Variants in AKAP1 observed in about 807,000 individuals in gnomAD.
The protein encoded by AKAP1 is A-kinase anchoring protein 1.
A neutral mutation model predicts 79.8 loss-of-function variants in AKAP1; 32 were observed. That is an observed-to-expected ratio of 0.40 (90% CI 0.30 to 0.54). The LOEUF (loss-of-function observed/expected upper bound fraction) is 0.54, where lower values mean the gene tolerates loss of function less well. Among genes scored for constraint, AKAP1 ranks in the 20% least tolerant of loss-of-function variants. AKAP1 has a pLI of 0.47. For missense variants in AKAP1, 961 were observed against 1,138.9 expected (o/e 0.84, Z 2.25); for synonymous variants, 416 against 466.7 (o/e 0.89, Z 1.40).
intron 1 of AKAP1, chr17:57,093,826 T>C (rs1913927579): frequency 6.6e-6 from 1 of 150,772 alleles, no homozygotes; most frequent in South Asian, 2.1e-4. Context: ...GTAGTATTAT[T>C]TTCTTTCTTT....
In AKAP1 at chr17:57,105,504, C is replaced by A; in HGVS notation, c.40C>A (p.Pro14Thr). 1 of 1,614,152 alleles carries A rather than the reference C, an allele frequency of 6.2e-7. No individual in the cohort carries two copies. The highest frequency in any genetic ancestry group is 8.5e-7 in the Non-Finnish European group (1 of 1,180,028). ...CCGTTCGCTCTTCCCCTTGGCATTG[C>A]CTGGGATGCTGGCGCTCCTCGGCTG... Reference protein sequence around the residue: ...QFRSLFPLALPGMLALLGWWW... With the variant: ...QFRSLFPLALTGMLALLGWWW... Residue 14 changes from proline to threonine, a missense_variant, in exon 2 of 11, where the codon CCT becomes ACT. This residue lies in a region of AKAP1 where 108 missense variants were observed against 147.6 expected (regional missense o/e 0.73). Transcript: ENST00000337714.
intron 4 of AKAP1, 134 bp downstream of exon 4, chr17:57,112,058 A>C: frequency 2.5e-6 from 3 of 1,191,902 alleles, no homozygotes; most frequent in Non-Finnish European, 3.5e-6. Context: ...AGCATTAGGT[A>C]TCTTCCCTGC....
intron 5 of AKAP1, 121 bp downstream of exon 5, chr17:57,112,739 C>T: frequency 7.4e-7 from 1 of 1,357,520 alleles, no homozygotes; most frequent in South Asian, 1.5e-5. Flanking sequence ...TGCGCCCTCT[C>T]TTCTCTGGCC....
At chr17:57,116,355 A>G in intron 7 of AKAP1, 94 bp downstream of exon 7, 1 of 1,511,674 alleles carries the variant, frequency 6.6e-7, no homozygotes, top group Non-Finnish European at 9.1e-7. Context: ...GGCTTGGGTG[A>G]GGGTTACTTC....
At position 57,116,807 on chromosome 17, in the gene AKAP1, G is replaced by C. The variant is rs959207400; in HGVS notation, c.2433-53G>C. 12 of 1,504,240 alleles carry C rather than the reference G, an allele frequency of 8.0e-6. No homozygotes were observed. The African/African-American group carries it at 1.4e-4, about 17-fold the overall frequency. The allele number at this position is 1,504,240 out of a possible 1,614,324, so 93.2% of individuals were successfully genotyped here. A position where few individuals can be genotyped will look rare whatever the true frequency, so the allele number is the denominator to read the frequency against. On this transcript the variant is annotated intron_variant, in intron 7 of 10. Coordinates refer to ENST00000337714, the MANE Select transcript of AKAP1 (RefSeq NM_003488.4). ...GTACAAAGATGAATACTGGCTTGGA[G>C]TGGAGTCAGCCTTCATGTCCACATT...
At position 57,118,403 on chromosome 17, in the gene AKAP1, A is replaced by G. The variant is rs771166741; in HGVS notation, c.2523A>G (p.Glu841=). 2 of 1,613,960 alleles carry G rather than the reference A, an allele frequency of 1.2e-6. No homozygotes were observed. Among genetic ancestry groups the G allele is most frequent in the South Asian group, 2.2e-5 (2 of 91,064 alleles). ...PLSDDDQFSP[E]ADAAMSEMTG... is the part of the protein sequence containing the mutation. Reference sequence around the variant, plus strand: ...AAGACGATGACCAGTTTTCACCGGAAGCAGATGCCGCCATGAGCGAGATGA... The same window carrying G: ...AAGACGATGACCAGTTTTCACCGGAGGCAGATGCCGCCATGAGCGAGATGA... The change falls in exon 9 of 11, where the codon GAA becomes GAG. Residue 841 remains glutamate (E), a synonymous_variant. Transcript: ENST00000337714.
At chr17:57,110,688 A>G (rs1915186152) in intron 3 of AKAP1, among the ~76,000 whole-genome samples, 1 of 152,250 alleles carries the variant, frequency 6.6e-6, no homozygotes, top group African/African-American at 2.4e-5. Context: ...TGGTTTTTAA[A>G]CAAAACTGAG....
chr17:57,094,375 T>C (rs1376227038), intron 1 of AKAP1: 1 of 152,234 alleles, frequency 6.6e-6, no homozygotes, highest in Non-Finnish European at 1.5e-5. Context: ...GCTGAGAAGG[T>C]GTGCGTGGTT....
intron 5 of AKAP1, 52 bp downstream of exon 5, chr17:57,112,670 A>G (rs1248459536): frequency 1.9e-6 from 3 of 1,549,884 alleles, no homozygotes; most frequent in Admixed American, 4.0e-5. Flanking sequence ...CCCCAAACCT[A>G]CCCCAAACAA....
intron 2 of AKAP1, among the ~76,000 whole-genome samples, 158 bp from the exon 3 acceptor site, chr17:57,109,867 C>T (rs1234627063): frequency 1.3e-5 from 2 of 152,188 alleles, no homozygotes; most frequent in Admixed American, 1.3e-4. Flanking sequence ...TGGGGTTGTT[C>T]TGAGCCTTCT....
rs771884215 is a variant in AKAP1, at chr17:57,116,281, G to A, written c.2432+20G>A. 1 of 1,613,752 alleles carries A rather than the reference G, an allele frequency of 6.2e-7. No individual in the cohort carries two copies. Among genetic ancestry groups the A allele is most frequent in the South Asian group, 1.1e-5 (1 of 91,048 alleles). On this transcript the variant is annotated intron_variant, in intron 7 of 10. Coordinates refer to ENST00000337714, the MANE Select transcript of AKAP1 (RefSeq NM_003488.4). ...AATCAGGTGAGCGGAGATGCCTCAGGCAGGCCTACGCCCTGCTTGTTCTGG... is the reference window on the plus strand; with the variant it reads ...AATCAGGTGAGCGGAGATGCCTCAGACAGGCCTACGCCCTGCTTGTTCTGG...
At chr17:57,092,740 C>T (rs531775660) in intron 1 of AKAP1, 12 of 152,342 alleles carry the variant, frequency 7.9e-5, no homozygotes, top group East Asian at 3.9e-4. Context: ...TCAGGCACAT[C>T]GCTTTCCCCT....
At chr17:57,113,896 A>G (rs1424568811) in intron 5 of AKAP1, among the ~76,000 whole-genome samples, 1 of 152,080 alleles carries the variant, frequency 6.6e-6, no homozygotes, top group African/African-American at 2.4e-5. Flanking sequence ...GACCTTGACC[A>G]TGGACCTGAC....
rs143244997 is a variant in AKAP1, at chr17:57,112,567, C to T, written c.2052C>T (p.Tyr684=). ...KFKELNLTNI[Y]APPLPSLALP... is the part of the protein sequence containing the mutation. ...AAGAGCTGAACCTCACCAATATCTA[C>T]GCTCCCCCATTGCCTTCACTGGCAC... is the stretch of plus-strand genomic sequence containing the variant. Residue 684 remains tyrosine, a synonymous_variant, in exon 5 of 11, where the codon TAC becomes TAT. Transcript: ENST00000337714. 33 of 1,614,070 alleles carry T rather than the reference C, an allele frequency of 2.0e-5. No homozygotes were observed. The highest frequency in any genetic ancestry group is 5.3e-5 in the African/African-American group (4 of 74,936).
chr17:57,097,784 G>A (rs992100024), intron 1 of AKAP1, among the ~76,000 whole-genome samples: 3 of 152,242 alleles, frequency 2.0e-5, no homozygotes, highest in African/African-American at 7.2e-5. Flanking sequence ...TCAAATTCCA[G>A]TGTAAATGTT....
intron 4 of AKAP1, 57 bp downstream of exon 4, chr17:57,111,981 A>C: frequency 6.3e-7 from 1 of 1,580,220 alleles, no homozygotes; most frequent in East Asian, 2.3e-5. Context: ...ATAGAAGTGA[A>C]TAGCATCTGA....
At chr17:57,087,925 G>C (rs1378312381) in intron 1 of AKAP1, among the ~76,000 whole-genome samples, 2 of 152,148 alleles carry the variant, frequency 1.3e-5, no homozygotes, top group East Asian at 3.9e-4. Context: ...TCTTCCCTGT[G>C]AGTCTGAATG....
At chr17:57,110,472 A>G (rs1597983831) in intron 3 of AKAP1, among the ~76,000 whole-genome samples, 1 of 151,298 alleles carries the variant, frequency 6.6e-6, no homozygotes, top group African/African-American at 2.4e-5. Context: ...GAAAAAAAAC[A>G]CCAAGGCCGT....
At chr17:57,108,590 G>A (rs1214258007) in intron 2 of AKAP1, among the ~76,000 whole-genome samples, 1 of 152,188 alleles carries the variant, frequency 6.6e-6, no homozygotes, top group African/African-American at 2.4e-5. Context: ...TGATGGGCAG[G>A]GAGGTTTAGG....
Sources: allele counts gnomAD v4.1 joint callset (sites outside exome capture counted in the v4.1 genomes callset), GRCh38; gene constraint gnomAD v4.1.1; regional missense constraint gnomAD v4.1.1; transcripts MANE v1.5; gene names NCBI Gene and HGNC (gene_info 2026-07-23, HGNC 2026-07-21).